The following CTNNA3 variants were observed in gnomAD, a reference collection of about 807,000 sequenced individuals.
CTNNA3 encodes catenin alpha 3, also known as catenin alpha-3.
CTNNA3 carries 76 observed loss-of-function variants against 95.7 expected under a neutral mutation model. That is an observed-to-expected ratio of 0.79 (90% CI 0.66 to 0.96). The LOEUF (loss-of-function observed/expected upper bound fraction) is 0.96, where lower values mean the gene tolerates loss of function less well. CTNNA3 is among the 40% of genes least tolerant of loss of function. CTNNA3 has a pLI of 0.00. For missense variants in CTNNA3, 1,191 were observed against 1,089.8 expected (o/e 1.09, Z -1.31); for synonymous variants, 431 against 374.4 (o/e 1.15, Z -1.74).
chr10:66,932,824 A>G (rs1847482884), intron 7 of CTNNA3, among the ~76,000 whole-genome samples: 1 of 152,212 alleles, frequency 6.6e-6, no homozygotes, highest in Non-Finnish European at 1.5e-5. Context: ...AATACTACCA[A>G]TAAAATCTAA....
chr10:66,019,122 G>C (rs1440149545), intron 15 of CTNNA3, among the ~76,000 whole-genome samples: 2 of 152,074 alleles, frequency 1.3e-5, no homozygotes, highest in Non-Finnish European at 2.9e-5. Flanking sequence ...CTTTATTGCA[G>C]AGAAATTGTG....
chr10:66,295,378 C>G (rs2091761696), intron 12 of CTNNA3, among the ~76,000 whole-genome samples: 1 of 152,084 alleles, frequency 6.6e-6, no homozygotes, highest in African/African-American at 2.4e-5. Context: ...GAACCAACCT[C>G]CAGCAAAGAA....
At chr10:67,142,924 C>G (rs1165462479) in intron 7 of CTNNA3, among the ~76,000 whole-genome samples, 2 of 152,088 alleles carry the variant, frequency 1.3e-5, no homozygotes, top group African/African-American at 4.8e-5. Flanking sequence ...GAGCAAGACT[C>G]TGTCTCAAAT....
chr10:65,917,386 A>T lies in CTNNA3; in HGVS notation c.*2944T>A, dbSNP rs2077020249. The T allele has an allele frequency of 6.6e-6, 1 of 151,988 alleles. No individual in the cohort carries two copies. Among genetic ancestry groups the T allele is most frequent in the African/African-American group, 2.4e-5 (1 of 41,368 alleles). The allele number at this position is 151,988 out of a possible 1,614,324, so 9.4% of individuals were successfully genotyped here. On this transcript the variant is annotated 3_prime_UTR_variant, in exon 18 of 18. Coordinates refer to ENST00000433211, the MANE Select transcript of CTNNA3 (RefSeq NM_013266.4). Reference sequence around the variant, plus strand: ...TCATAAATTAAAGGGAATGATTTCTATTTCTCACTTTTTATATTTGATAGA... The same window carrying T: ...TCATAAATTAAAGGGAATGATTTCTTTTTCTCACTTTTTATATTTGATAGA...
At chr10:66,009,077 G>A (rs1289840800) in intron 15 of CTNNA3, among the ~76,000 whole-genome samples, 4 of 152,072 alleles carry the variant, frequency 2.6e-5, no homozygotes, top group South Asian at 2.1e-4. Context: ...TCCAGCCTGG[G>A]TGACAGAGTG....
chr10:66,487,391 CG>C (rs1839775341), intron 11 of CTNNA3, among the ~76,000 whole-genome samples: 1 of 151,300 alleles, frequency 6.6e-6, no homozygotes, highest in Non-Finnish European at 1.5e-5. Flanking sequence ...TTAGTAGTGA[CG>C]GGGTTTCACC....
rs557344243 is a variant in CTNNA3 at position 67,223,633 on chromosome 10, C to G, written c.580-3763G>C. On this transcript the variant is annotated intron_variant, in intron 5 of 17. Transcript: ENST00000433211. ...GAGAAGTAACATATGAGTTTTAACC[C>G]TGGCAAGAGAACAAAATATATTTAG... Among the ~76,000 whole-genome samples, 6 of 152,264 alleles carry G rather than the reference C, an allele frequency of 3.9e-5. No homozygotes were observed. The South Asian group carries it at 1.2e-3, about 32-fold the overall frequency.
intron 6 of CTNNA3, among the ~76,000 whole-genome samples, chr10:67,213,179 T>A (rs1864209790): frequency 6.6e-6 from 1 of 151,824 alleles, no homozygotes; most frequent in Non-Finnish European, 1.5e-5. Context: ...TCTTAGGAAT[T>A]TTTCCATTTC....
intron 17 of CTNNA3, among the ~76,000 whole-genome samples, chr10:65,960,391 G>C (rs928122184): frequency 3.9e-5 from 6 of 152,038 alleles, no homozygotes; most frequent in Non-Finnish European, 7.4e-5. Context: ...CAGGCGCCGT[G>C]GGGGGCACCT....
intron 17 of CTNNA3, among the ~76,000 whole-genome samples, chr10:65,947,371 T>C (rs2077534883): frequency 6.6e-6 from 1 of 152,146 alleles, no homozygotes; most frequent in African/African-American, 2.4e-5. Context: ...TTAGGGTAAA[T>C]TTAACATTTA....
At chr10:67,672,948 G>C (rs1309490138) in intron 1 of CTNNA3, among the ~76,000 whole-genome samples, 1 of 151,472 alleles carries the variant, frequency 6.6e-6, no homozygotes, top group Non-Finnish European at 1.5e-5. Flanking sequence ...AATTACCTTG[G>C]GCAGTATGGC....
chr10:66,941,437 T>C (rs1418301232), intron 7 of CTNNA3, among the ~76,000 whole-genome samples: 1 of 152,206 alleles, frequency 6.6e-6, no homozygotes, highest in Non-Finnish European at 1.5e-5. Flanking sequence ...CTCAAGGTAA[T>C]TTTAAGTAAA....
intron 15 of CTNNA3, among the ~76,000 whole-genome samples, chr10:66,028,122 AATCAG>A (rs1401764669): frequency 6.6e-6 from 1 of 152,172 alleles, no homozygotes; most frequent in African/African-American, 2.4e-5. Flanking sequence ...AACATGGAAA[AATCAG>A]TTTTTTAAAA....
chr10:67,176,148 G>A (rs1396219304), intron 7 of CTNNA3, among the ~76,000 whole-genome samples: 1 of 152,122 alleles, frequency 6.6e-6, no homozygotes, highest in Non-Finnish European at 1.5e-5. Context: ...AGGGCTGGAT[G>A]TGGATCCAAA....
chr10:66,279,274 C>G (rs1223303701), intron 13 of CTNNA3, among the ~76,000 whole-genome samples: 1 of 152,014 alleles, frequency 6.6e-6, no homozygotes, highest in African/African-American at 2.4e-5. Flanking sequence ...GATATTAATA[C>G]TACTGATGCT....
intron 1 of CTNNA3, among the ~76,000 whole-genome samples, chr10:67,753,172 T>C (rs1841416096): frequency 6.6e-6 from 1 of 151,956 alleles, no homozygotes; most frequent in African/African-American, 2.4e-5. Flanking sequence ...AGGCCACACA[T>C]CTACAATCAT....
chr10:66,590,205 T>C (rs1429331129), intron 10 of CTNNA3, among the ~76,000 whole-genome samples: 1 of 152,044 alleles, frequency 6.6e-6, no homozygotes, highest in East Asian at 1.9e-4. Context: ...ATTAGACATC[T>C]AGTCCAAATC....
At chr10:67,703,175 AC>A (rs745446610) in intron 1 of CTNNA3, among the ~76,000 whole-genome samples, 1 of 152,258 alleles carries the variant, frequency 6.6e-6, no homozygotes, top group Non-Finnish European at 1.5e-5. Context: ...AGAAGGATTC[AC>A]AGCCGAATTC....
In CTNNA3 at chr10:67,324,387, C is replaced by T. The variant is rs548505960; in HGVS notation, c.580-104517G>A. 1.4e-4 allele frequency among the ~76,000 whole-genome samples: 22 copies of T among 152,188 alleles called. No homozygotes were observed. The South Asian group carries it at 4.4e-3, about 30-fold the overall frequency. ...GACTGAATGAGTTTGTCATAGATGGCTCTTATTAATTTAAGGTATGTTCCT... is the reference window on the plus strand; with the variant it reads ...GACTGAATGAGTTTGTCATAGATGGTTCTTATTAATTTAAGGTATGTTCCT... On this transcript the variant is annotated intron_variant, in intron 5 of 17. Transcript: ENST00000433211.
Sources: gnomAD v4.1 joint callset for allele counts (sites outside exome capture counted in the v4.1 genomes callset) on GRCh38, gnomAD v4.1.1 for gene constraint, MANE v1.5 for transcripts, NCBI Gene and HGNC (gene_info 2026-07-23, HGNC 2026-07-21) for gene names.